CEP83: variants seen among roughly 807,000 people sequenced by gnomAD.
CEP83 encodes the protein centrosomal protein of 83 kDa.
A neutral mutation model predicts 101.9 loss-of-function variants in CEP83; 70 were observed. The observed-to-expected ratio is 0.69, with a 90% confidence interval of 0.57 to 0.84. CEP83 has a LOEUF of 0.84. Ranked by LOEUF, CEP83 falls within the 40% of genes least tolerant of loss-of-function variation. The pLI is 0.00. For missense variants in CEP83, 715 were observed against 787.2 expected (o/e 0.91, Z 1.10); for synonymous variants, 264 against 267.9 (o/e 0.99, Z 0.14).
chr12:94,406,107 G>A (rs985996911), intron 4 of CEP83, among the ~76,000 whole-genome samples: 1 of 152,136 alleles, frequency 6.6e-6, no homozygotes, highest in Non-Finnish European at 1.5e-5. Context: ...TCAGTGGTGG[G>A]AAATAATTAG....
intron 6 of CEP83, among the ~76,000 whole-genome samples, chr12:94,384,987 A>T (rs1465696477): frequency 6.6e-6 from 1 of 152,162 alleles, no homozygotes; most frequent in East Asian, 1.9e-4. Flanking sequence ...TTGGGGAATT[A>T]AGTTATGAGA....
intron 6 of CEP83, 144 bp from the exon 7 acceptor site, chr12:94,379,186 T>C (rs779706047): frequency 4.4e-6 from 3 of 681,936 alleles, no homozygotes; most frequent in Non-Finnish European, 7.3e-6. Context: ...AAATTTTAAG[T>C]ATCACTATCT....
At chr12:94,331,600 C>T (rs1169962281) in intron 14 of CEP83, 100 bp downstream of exon 14, 1 of 977,286 alleles carries the variant, frequency 1.0e-6, no homozygotes, top group African/African-American at 1.6e-5. Flanking sequence ...CAATGATCTC[C>T]TGACCTCGTG....
At chr12:94,457,049 T>A (rs902068889) in intron 1 of CEP83, among the ~76,000 whole-genome samples, 1 of 152,098 alleles carries the variant, frequency 6.6e-6, no homozygotes, top group Non-Finnish European at 1.5e-5. Flanking sequence ...AAAGGTACAA[T>A]TTAGATTTTA....
chr12:94,339,632 G>A (rs1200774418), intron 11 of CEP83, among the ~76,000 whole-genome samples: 1 of 152,146 alleles, frequency 6.6e-6, no homozygotes, highest in Non-Finnish European at 1.5e-5. Context: ...AACATACAGG[G>A]CAAACAATAG....
the CEP83 span, among the ~76,000 whole-genome samples, chr12:94,293,831 G>C: frequency 6.6e-6 from 1 of 152,086 alleles, no homozygotes; most frequent in African/African-American, 2.4e-5. Context: ...ATGTTGCCCA[G>C]GCTGGTCTCA....
chr12:94,390,666 T>A (rs1396905284), intron 6 of CEP83, among the ~76,000 whole-genome samples: 3 of 152,040 alleles, frequency 2.0e-5, no homozygotes, highest in Non-Finnish European at 4.4e-5. Context: ...AGGTCAGTAA[T>A]AACAAACTTC....
intron 2 of CEP83, among the ~76,000 whole-genome samples, chr12:94,431,333 A>G (rs1191919288): frequency 1.3e-5 from 2 of 152,220 alleles, no homozygotes; most frequent in Non-Finnish European, 2.9e-5. Context: ...CCAAGACTAT[A>G]AAATTACTAG....
chr12:94,306,532 C>CTA (rs1969036360), downstream of CEP83: 1 of 152,138 alleles, frequency 6.6e-6, no homozygotes, highest in African/African-American at 2.4e-5. Flanking sequence ...TGTTTTCCTT[C>CTA]TATTAAACCA....
At chr12:94,272,608 C>G in the CEP83 span, among the ~76,000 whole-genome samples, 1 of 152,160 alleles carries the variant, frequency 6.6e-6, no homozygotes, top group Admixed American at 6.5e-5. Flanking sequence ...CCCTTTTGTT[C>G]GGATCGAAGA....
intron 2 of CEP83, chr12:94,424,286 T>C (rs767612205): frequency 1.1e-4 from 182 of 1,614,062 alleles, no homozygotes; most frequent in Middle Eastern, 6.6e-4. Flanking sequence ...AAATATTCCT[T>C]GGTTCTGTCG....
downstream of CEP83, among the ~76,000 whole-genome samples, chr12:94,303,273 T>A (rs1487960783): frequency 1.3e-5 from 2 of 152,136 alleles, no homozygotes; most frequent in African/African-American, 4.8e-5. Context: ...AGGGACAAGC[T>A]GGAAAATCTG....
intron 14 of CEP83, among the ~76,000 whole-genome samples, chr12:94,318,688 A>C (rs1247645632): frequency 2.0e-5 from 3 of 152,120 alleles, no homozygotes; most frequent in Non-Finnish European, 4.4e-5. Flanking sequence ...TTTTGTCTTT[A>C]GTCCTGTTTA....
chr12:94,385,143 A>T (rs562242046), intron 6 of CEP83, among the ~76,000 whole-genome samples: 1 of 152,222 alleles, frequency 6.6e-6, no homozygotes, highest in African/African-American at 2.4e-5. Flanking sequence ...CCAAGGTGGG[A>T]GGGCTTCTCA....
chr12:94,280,267 A>G, the CEP83 span: 1 of 166,854 alleles, frequency 6.0e-6, no homozygotes, highest in Non-Finnish European at 1.3e-5. Context: ...ATGTTCATCA[A>G]CATTTTAAAG....
chr12:94,453,925 C>T (rs753267570), intron 1 of CEP83, among the ~76,000 whole-genome samples: 4 of 151,968 alleles, frequency 2.6e-5, no homozygotes, highest in Non-Finnish European at 5.9e-5. Flanking sequence ...AGTGAAATTC[C>T]GTCTCTCTTA....
intron 1 of CEP83, among the ~76,000 whole-genome samples, chr12:94,437,768 A>G (rs532520097): frequency 2.0e-5 from 3 of 152,378 alleles, no homozygotes; most frequent in African/African-American, 7.2e-5. Flanking sequence ...ACATCAAAAT[A>G]GAACCTTTCT....
intron 14 of CEP83, among the ~76,000 whole-genome samples, chr12:94,322,864 C>T (rs1396042179): frequency 6.6e-6 from 1 of 152,224 alleles, no homozygotes; most frequent in African/African-American, 2.4e-5. Flanking sequence ...GGCTTGGAAC[C>T]ACTGCCAGCT....
intron 14 of CEP83, among the ~76,000 whole-genome samples, chr12:94,328,008 CAGT>C (rs2059042753): frequency 6.6e-6 from 1 of 152,184 alleles, no homozygotes; most frequent in Non-Finnish European, 1.5e-5. Flanking sequence ...TATTTCTCCC[CAGT>C]GTATAGTGTA....
Sources: gnomAD v4.1 joint callset for allele counts (sites outside exome capture counted in the v4.1 genomes callset) on GRCh38, gnomAD v4.1.1 for gene constraint, MANE v1.5 for transcripts, NCBI Gene and HGNC (gene_info 2026-07-23, HGNC 2026-07-21) for gene names.